The following DMD variants were observed in gnomAD, a reference collection of about 807,000 sequenced individuals.
The protein encoded by DMD is dystrophin.
In DMD, 63 loss-of-function variants were observed where a neutral mutation model predicts 330.1. That is an observed-to-expected ratio of 0.19 (90% CI 0.16 to 0.24). The LOEUF (loss-of-function observed/expected upper bound fraction) is 0.24, where lower values mean the gene tolerates loss of function less well. Among genes scored for constraint, DMD ranks in the 10% least tolerant of loss-of-function variants. DMD has a pLI of 1.00. For missense variants in DMD, 3,344 were observed against 2,684.1 expected, an observed-to-expected ratio of 1.25 and a Z score of -5.43; for synonymous variants, 1,223 against 959.8, an observed-to-expected ratio of 1.27 and a Z score of -5.07.
chrX:32,517,778 A>T, intron 18 of DMD: 1 of 438,731 alleles, frequency 2.3e-6, no homozygotes, highest in Non-Finnish European at 4.0e-6. Context: ...TATGTAAGTT[A>T]AGGCAAGTTT....
At chrX:32,632,309 G>T (rs1258823171) in intron 11 of DMD, among the ~76,000 whole-genome samples, 1 of 111,889 alleles carries the variant, frequency 8.9e-6, no homozygotes, top group Non-Finnish European at 1.9e-5. Context: ...GCTTTCTAGG[G>T]TTCAGCTTCC....
chrX:31,564,659 T>G (rs2075374962), intron 55 of DMD, among the ~76,000 whole-genome samples: 1 of 112,387 alleles, frequency 8.9e-6, no homozygotes, highest in African/African-American at 3.2e-5. Flanking sequence ...ATTATCAGCT[T>G]TCTTTTTACT....
At chrX:32,249,116 G>C (rs1286629900) in intron 43 of DMD, among the ~76,000 whole-genome samples, 2 of 111,241 alleles carry the variant, frequency 1.8e-5, no homozygotes, top group Non-Finnish European at 3.8e-5. Context: ...TCTACCATAA[G>C]AATTACAAAT....
chrX:32,627,635 C>A (rs1177289472), intron 11 of DMD, among the ~76,000 whole-genome samples: 1 of 110,726 alleles, frequency 9.0e-6, no homozygotes, highest in African/African-American at 3.3e-5. Flanking sequence ...CCGGGGCCTG[C>A]TTCACAATCA....
chrX:32,455,574 G>A (rs949129083), intron 25 of DMD, among the ~76,000 whole-genome samples: 1 of 111,043 alleles, frequency 9.0e-6, no homozygotes, highest in Non-Finnish European at 1.9e-5. Context: ...TAATGTCCAC[G>A]AATCTGAGTC....
In DMD at chrX:31,221,593, C is replaced by G. The variant is rs773076955; in HGVS notation, c.9361+1454G>C. Among the ~76,000 whole-genome samples the G allele has an allele frequency of 3.5e-5, 4 of 113,032 alleles. No individual in the cohort carries two copies. The East Asian group carries it at 1.1e-3, about 31-fold the overall frequency. On this transcript the variant is annotated intron_variant, in intron 64 of 78. Transcript: ENST00000357033. ...ACCCCATTGTCCCACTGTTGCACAA[C>G]TAAATATATGACATTGAAATGGTCT... is the stretch of plus-strand genomic sequence containing the variant.
intron 62 of DMD, among the ~76,000 whole-genome samples, chrX:31,271,561 G>A (rs775755360): frequency 8.1e-4 from 91 of 111,725 alleles, no homozygotes; most frequent in African/African-American, 2.7e-3. Context: ...GTACTTGCCT[G>A]GAGGGATGGT....
intron 66 of DMD, 26 bp from the exon 67 acceptor site, chrX:31,204,144 C>T (rs1206730690): frequency 8.4e-7 from 1 of 1,197,514 alleles, no homozygotes; most frequent in East Asian, 3.0e-5. Flanking sequence ...AAAATTGCAA[C>T]AGTCAAAACA....
chrX:31,455,767 A>G (rs894521334), intron 59 of DMD, among the ~76,000 whole-genome samples: 1 of 112,501 alleles, frequency 8.9e-6, no homozygotes, highest in African/African-American at 3.2e-5. Context: ...AAAAAAGAGG[A>G]AGTAGCCTAT....
intron 44 of DMD, among the ~76,000 whole-genome samples, chrX:32,099,077 T>C (rs2096526379): frequency 9.0e-6 from 1 of 111,657 alleles, no homozygotes; most frequent in Non-Finnish European, 1.9e-5. Flanking sequence ...TAGGAATAAA[T>C]TGATGTTAAG....
intron 30 of DMD, among the ~76,000 whole-genome samples, chrX:32,400,731 T>C (rs1222273160): frequency 2.8e-5 from 3 of 108,846 alleles, no homozygotes; most frequent in Non-Finnish European, 5.7e-5. Flanking sequence ...ACACTGTTGG[T>C]GGGACTGTAA....
intron 60 of DMD, among the ~76,000 whole-genome samples, chrX:31,434,432 A>ATG (rs1569541947): frequency 1.2e-5 from 1 of 85,974 alleles, no homozygotes; most frequent in African/African-American, 4.8e-5. Flanking sequence ...ACACACACAC[A>ATG]CACACACACA....
In DMD at chrX:32,491,283, A is replaced by G. The variant is rs141423865; in HGVS notation, c.2616T>C (p.Ile872=). 1.7e-6 allele frequency: 2 copies of G among 1,210,448 alleles called. No homozygotes were observed. The highest frequency in any genetic ancestry group is 2.2e-6 in the Non-Finnish European group (2 of 895,291). Residue 872 remains isoleucine, a synonymous_variant, in exon 20 of 79, where the codon ATT becomes ATC. Coordinates refer to ENST00000357033, the MANE Select transcript of DMD (RefSeq NM_004006.3). ...EPTAIKSQLK[I]CKDEVNRLSD... ...AAGGAGAAGAGATTCTTACCTTACA[A>G]ATTTTTAACTGACTTTTAATTGCTG...
intron 1 of DMD, among the ~76,000 whole-genome samples, chrX:33,158,137 T>C (rs1368869825): frequency 2.7e-5 from 3 of 112,133 alleles, no homozygotes; most frequent in South Asian, 7.4e-4. Flanking sequence ...ATAATATTAT[T>C]GCCTATATAT....
chrX:32,774,429 T>A (rs1302202087), intron 7 of DMD, among the ~76,000 whole-genome samples: 1 of 111,845 alleles, frequency 8.9e-6, no homozygotes, highest in African/African-American at 3.3e-5. Context: ...TATGTATTAG[T>A]CCATTTTCAC....
chrX:32,343,399 T>A, intron 39 of DMD, 113 bp from the exon 40 acceptor site: 1 of 706,162 alleles, frequency 1.4e-6, no homozygotes, highest in Non-Finnish European at 2.1e-6. Flanking sequence ...CAACTTAGGT[T>A]AAAATCATAT....
chrX:31,966,868 A>G (rs905920474), intron 45 of DMD, among the ~76,000 whole-genome samples: 3 of 111,097 alleles, frequency 2.7e-5, no homozygotes, highest in Non-Finnish European at 5.7e-5. Context: ...ATACTATATG[A>G]GTAAGACATT....
chrX:31,265,919 T>C (rs1342416999), intron 62 of DMD, among the ~76,000 whole-genome samples: 1 of 108,754 alleles, frequency 9.2e-6, no homozygotes, highest in Non-Finnish European at 1.9e-5. Context: ...ATCGGATGGA[T>C]TTTTTTCATG....
At chrX:32,223,853 G>A (rs2147917512) in intron 43 of DMD, among the ~76,000 whole-genome samples, 1 of 111,168 alleles carries the variant, frequency 9.0e-6, no homozygotes, top group East Asian at 2.8e-4. Context: ...TATATTTATT[G>A]GCCGTTTGGA....
Sources: allele counts gnomAD v4.1 joint callset (sites outside exome capture counted in the v4.1 genomes callset), GRCh38; gene constraint gnomAD v4.1.1; transcripts MANE v1.5; gene names NCBI Gene and HGNC (gene_info 2026-07-23, HGNC 2026-07-21).